Variants in CPED1 observed in about 807,000 individuals in gnomAD.
The protein encoded by CPED1 is cadherin-like and PC-esterase domain-containing protein 1.
CPED1 carries 114 observed loss-of-function variants against 128.2 expected under a neutral mutation model. That is an observed-to-expected ratio of 0.89 (90% CI 0.76 to 1.04). The LOEUF (loss-of-function observed/expected upper bound fraction) is 1.04, where lower values mean the gene tolerates loss of function less well. CPED1 is among the 50% of genes least tolerant of loss of function. The probability of loss-of-function intolerance (pLI) is 0.00; values close to 1 mark genes in which losing one functional copy is unlikely to be tolerated. For missense variants in CPED1, 1,211 were observed against 1,207.1 expected (o/e 1.00, Z -0.05); for synonymous variants, 462 against 426.7 (o/e 1.08, Z -1.02).
chr7:121,216,972 T>G (rs1238431512), intron 16 of CPED1, among the ~76,000 whole-genome samples: 6 of 152,070 alleles, frequency 3.9e-5, no homozygotes, highest in African/African-American at 9.7e-5. Context: ...ATATTGCATT[T>G]TTTTGGAGAG....
At chr7:121,125,643 T>TC (rs1325563706) in intron 8 of CPED1, among the ~76,000 whole-genome samples, 177 bp from the exon 9 acceptor site, 1 of 152,192 alleles carries the variant, frequency 6.6e-6, no homozygotes, top group Non-Finnish European at 1.5e-5. Context: ...CTTGAACTCA[T>TC]CCTTTTTTTA....
chr7:121,060,141 TC>T (rs1793617476), intron 4 of CPED1, among the ~76,000 whole-genome samples: 2 of 152,016 alleles, frequency 1.3e-5, no homozygotes, highest in Non-Finnish European at 2.9e-5. Context: ...GTGTGCTGGG[TC>T]CCCCAGCAGT....
At chr7:121,046,405 G>A (rs1433049855) in intron 3 of CPED1, among the ~76,000 whole-genome samples, 1 of 150,950 alleles carries the variant, frequency 6.6e-6, no homozygotes. Context: ...TTTGATGTTT[G>A]ACGAGTAAAT....
chr7:121,063,864 G>A (rs1793750786), intron 4 of CPED1, among the ~76,000 whole-genome samples: 2 of 152,112 alleles, frequency 1.3e-5, no homozygotes, highest in Admixed American at 1.3e-4. Flanking sequence ...AGTGAAGAAT[G>A]TTTATGAAAT....
At chr7:121,048,713 A>G (rs1793276385) in intron 4 of CPED1, among the ~76,000 whole-genome samples, 1 of 151,988 alleles carries the variant, frequency 6.6e-6, no homozygotes, top group Non-Finnish European at 1.5e-5. Context: ...TAATTTTTAT[A>G]TTTTTAGTAG....
chr7:121,210,187 G>T (rs1479698607), intron 16 of CPED1, among the ~76,000 whole-genome samples: 1 of 151,924 alleles, frequency 6.6e-6, no homozygotes, highest in Non-Finnish European at 1.5e-5. Flanking sequence ...GTGAAGAAAG[G>T]AGAACCTTAT....
At chr7:121,103,417 A>G (rs753829616) in intron 7 of CPED1, among the ~76,000 whole-genome samples, 1 of 152,202 alleles carries the variant, frequency 6.6e-6, no homozygotes, top group African/African-American at 2.4e-5. Context: ...GTTTCAGAAA[A>G]CAAGAGGATA....
At chr7:121,147,814 C>A (rs1172749668) in intron 16 of CPED1, among the ~76,000 whole-genome samples, 3 of 152,072 alleles carry the variant, frequency 2.0e-5, no homozygotes, top group African/African-American at 4.8e-5. Context: ...TTAAAAAATT[C>A]TCCAGCATTT....
intron 22 of CPED1, among the ~76,000 whole-genome samples, chr7:121,294,024 T>C (rs764792423): frequency 2.6e-5 from 4 of 152,036 alleles, no homozygotes; most frequent in Non-Finnish European, 5.9e-5. Context: ...GTACTTTTTC[T>C]CCTTCCCTTC....
At chr7:121,117,774 C>A (rs1417266262) in intron 7 of CPED1, among the ~76,000 whole-genome samples, 1 of 152,092 alleles carries the variant, frequency 6.6e-6, no homozygotes, top group Non-Finnish European at 1.5e-5. Flanking sequence ...TTCAAACTTT[C>A]TAAAGTTTGA....
chr7:121,132,994 C>T (rs1795708902), intron 12 of CPED1, among the ~76,000 whole-genome samples: 1 of 152,086 alleles, frequency 6.6e-6, no homozygotes. Context: ...TTCTCCATTA[C>T]AGTACGCAGC....
chr7:121,270,960 C>T (rs112583252), intron 21 of CPED1, among the ~76,000 whole-genome samples: 96 of 151,960 alleles, frequency 6.3e-4, no homozygotes, highest in African/African-American at 2.0e-3. Flanking sequence ...AGATTGCTTT[C>T]GGCAGTAATG....
At chr7:121,136,632 G>A (rs1226408512) in intron 14 of CPED1, among the ~76,000 whole-genome samples, 1 of 152,002 alleles carries the variant, frequency 6.6e-6, no homozygotes, top group East Asian at 1.9e-4. Context: ...TTATTACGAT[G>A]GTCTTGCAAA....
intron 16 of CPED1, among the ~76,000 whole-genome samples, chr7:121,149,146 G>C (rs1013094781): frequency 1.3e-5 from 2 of 152,150 alleles, no homozygotes; most frequent in African/African-American, 4.8e-5. Flanking sequence ...TCCTTTACCA[G>C]TGAGCCGTCC....
intron 2 of CPED1, among the ~76,000 whole-genome samples, chr7:121,012,346 G>A (rs1792180318): frequency 6.6e-6 from 1 of 152,252 alleles, no homozygotes; most frequent in African/African-American, 2.4e-5. Flanking sequence ...CAAGATGAGA[G>A]AGAGGCAAGT....
chr7:121,274,228 CATT>C (rs1311893806), intron 22 of CPED1, among the ~76,000 whole-genome samples: 1 of 152,114 alleles, frequency 6.6e-6, no homozygotes, highest in Non-Finnish European at 1.5e-5. Context: ...AACCAGTTCA[CATT>C]AATAGCCATG....
At chr7:121,083,607 A>T (rs1794345971) in intron 5 of CPED1, 1 of 152,254 alleles carries the variant, frequency 6.6e-6, no homozygotes, top group Non-Finnish European at 1.5e-5. Flanking sequence ...CTGATTGCAC[A>T]GGTGCTGGAG....
intron 14 of CPED1, among the ~76,000 whole-genome samples, chr7:121,137,546 A>G (rs1384029215): frequency 6.6e-6 from 1 of 152,086 alleles, no homozygotes; most frequent in Non-Finnish European, 1.5e-5. Flanking sequence ...TAATTCATTC[A>G]TGATGTTTTA....
intron 17 of CPED1, among the ~76,000 whole-genome samples, chr7:121,243,206 A>G (rs1327506096): frequency 6.6e-6 from 1 of 152,188 alleles, no homozygotes; most frequent in Non-Finnish European, 1.5e-5. Context: ...TATTTAGGGT[A>G]AGGAGAGTGA....
Sources: gnomAD v4.1 joint callset for allele counts (sites outside exome capture counted in the v4.1 genomes callset) on GRCh38, gnomAD v4.1.1 for gene constraint, MANE v1.5 for transcripts, NCBI Gene and HGNC (gene_info 2026-07-23, HGNC 2026-07-21) for gene names.